The following IGF1R variants were observed in gnomAD, a reference collection of about 807,000 sequenced individuals.
The protein encoded by IGF1R is insulin-like growth factor 1 receptor.
In IGF1R, 44 loss-of-function variants were observed where a neutral mutation model predicts 144.6. That is an observed-to-expected ratio of 0.30 (90% CI 0.24 to 0.39). The LOEUF is 0.39. Among genes scored for constraint, IGF1R ranks in the 10% least tolerant of loss-of-function variants. The probability of loss-of-function intolerance (pLI) is 1.00; values close to 1 mark genes in which losing one functional copy is unlikely to be tolerated. For missense variants in IGF1R, 1,355 were observed against 1,833.7 expected, an observed-to-expected ratio of 0.74 and a Z score of 4.77; for synonymous variants, 795 against 722.8, an observed-to-expected ratio of 1.10 and a Z score of -1.60.
chr15:98,694,253 G>T (rs775879915), intron 1 of IGF1R, among the ~76,000 whole-genome samples: 5 of 152,126 alleles, frequency 3.3e-5, no homozygotes, highest in Non-Finnish European at 5.9e-5. Flanking sequence ...AAATGGGAGG[G>T]TTATTAAAGG....
At chr15:98,748,832 A>T (rs1486957877) in intron 2 of IGF1R, among the ~76,000 whole-genome samples, 2 of 152,202 alleles carry the variant, frequency 1.3e-5, no homozygotes, top group East Asian at 3.8e-4. Context: ...TTCTTGCTCT[A>T]CCCTTAGGAC....
chr15:98,950,133 T>A (rs2016716995), intron 20 of IGF1R, among the ~76,000 whole-genome samples: 1 of 152,184 alleles, frequency 6.6e-6, no homozygotes, highest in Admixed American at 6.5e-5. Context: ...TTGGAAAGGA[T>A]CCTGAGGAAT....
intron 2 of IGF1R, among the ~76,000 whole-genome samples, chr15:98,796,001 T>G (rs1285988116): frequency 6.6e-6 from 1 of 152,246 alleles, no homozygotes; most frequent in East Asian, 1.9e-4. Context: ...GGCGTGTTCC[T>G]CTGGAGTGTG....
intron 2 of IGF1R, among the ~76,000 whole-genome samples, chr15:98,782,995 AT>A (rs1943446590): frequency 6.6e-6 from 1 of 152,232 alleles, no homozygotes; most frequent in African/African-American, 2.4e-5. Flanking sequence ...CAGGCTGAAT[AT>A]GTTCTACATC....
At position 98,717,642 on chromosome 15, in the gene IGF1R, ACT is replaced by A. The variant is rs2054150521; in HGVS notation, c.640+9538_640+9539del. ...GTGGAGTCACCCTAGTCATATGTAA[ACT>A]CTATTTATTTGGTTCCGAAACTGAA... On this transcript the variant is annotated intron_variant, in intron 2 of 20. Coordinates refer to ENST00000650285, the MANE Select transcript of IGF1R (RefSeq NM_000875.5). Among the ~76,000 whole-genome samples, 4 of 152,018 alleles carry A rather than the reference ACT, an allele frequency of 2.6e-5. No homozygotes were observed. In the South Asian group the frequency reaches 8.3e-4, roughly 32 times the overall value.
At chr15:98,852,590 A>G (rs948028789) in intron 2 of IGF1R, among the ~76,000 whole-genome samples, 1 of 152,078 alleles carries the variant, frequency 6.6e-6, no homozygotes, top group East Asian at 1.9e-4. Flanking sequence ...CCCCATAAAC[A>G]AGATGTGTTC....
chr15:98,909,873 C>A (rs1054865864), intron 6 of IGF1R, among the ~76,000 whole-genome samples: 2 of 152,190 alleles, frequency 1.3e-5, no homozygotes, highest in African/African-American at 4.8e-5. Context: ...TCTCATCTAA[C>A]CCTGTGTAGA....
At chr15:98,662,581 T>C (rs1451157524) in intron 1 of IGF1R, among the ~76,000 whole-genome samples, 6 of 152,086 alleles carry the variant, frequency 3.9e-5, no homozygotes, top group Non-Finnish European at 7.4e-5. Flanking sequence ...TTTTTTTTTT[T>C]ACTCGAGCTT....
intron 1 of IGF1R, among the ~76,000 whole-genome samples, chr15:98,672,022 T>C (rs1162910994): frequency 1.3e-5 from 2 of 152,202 alleles, no homozygotes; most frequent in Non-Finnish European, 2.9e-5. Context: ...GGTGTGTATA[T>C]TAATATAATC....
At chr15:98,837,925 T>C (rs1454948545) in intron 2 of IGF1R, among the ~76,000 whole-genome samples, 4 of 152,234 alleles carry the variant, frequency 2.6e-5, no homozygotes, top group Non-Finnish European at 5.9e-5. Flanking sequence ...CTTCTTCACC[T>C]AGCATTGAGA....
chr15:98,700,688 G>A lies in IGF1R; in HGVS notation c.95-6874G>A, dbSNP rs144658979. 1.2e-3 allele frequency among the ~76,000 whole-genome samples: 184 copies of A among 152,090 alleles called. 1 individual carries two copies. Among genetic ancestry groups the A allele is most frequent in the Middle Eastern group, 6.8e-3 (2 of 294 alleles). On this transcript the variant is annotated intron_variant, in intron 1 of 20. Transcript: ENST00000650285. ...GCCTTTGTTGTTCTCCCCGCCACAC[G>A]GGCTGCACCCCTGGGATTCCCCCAG...
intron 2 of IGF1R, among the ~76,000 whole-genome samples, chr15:98,820,191 G>C (rs2056775211): frequency 1.1e-5 from 1 of 89,880 alleles, no homozygotes; most frequent in Admixed American, 1.5e-4. Flanking sequence ...TGGAATTGCT[G>C]ATGCTATTTT....
intron 2 of IGF1R, among the ~76,000 whole-genome samples, chr15:98,888,438 A>AGAGAGAGAGTGTGT (rs1555457179): frequency 7.0e-6 from 1 of 143,354 alleles, no homozygotes; most frequent in Non-Finnish European, 1.5e-5. Flanking sequence ...AGAGAGAGAG[A>AGAGAGAGAGTGTGT]GTGTGTGTGT....
intron 2 of IGF1R, among the ~76,000 whole-genome samples, chr15:98,816,903 A>G (rs531548798): frequency 2.6e-5 from 4 of 152,338 alleles, no homozygotes; most frequent in African/African-American, 7.2e-5. Flanking sequence ...GCCCGGTTGT[A>G]TGGATCTGAG....
chr15:98,930,334 G>C (rs756909731), intron 15 of IGF1R, 29 bp downstream of exon 15: 2 of 1,546,282 alleles, frequency 1.3e-6, no homozygotes, highest in Admixed American at 1.7e-5. Flanking sequence ...AGCACTGCCA[G>C]CGTGCAGGGC....
At chr15:98,817,288 C>G (rs924806367) in intron 2 of IGF1R, among the ~76,000 whole-genome samples, 1 of 145,286 alleles carries the variant, frequency 6.9e-6, no homozygotes, top group Middle Eastern at 3.5e-3. Flanking sequence ...GGCAGCAGAG[C>G]GAGAATCTGT....
At chr15:98,832,828 AC>A (rs1327027871) in intron 2 of IGF1R, among the ~76,000 whole-genome samples, 7 of 152,214 alleles carry the variant, frequency 4.6e-5, no homozygotes, top group African/African-American at 1.4e-4. Flanking sequence ...AATTTCTGGC[AC>A]ATTTACCTGG....
At chr15:98,869,460 G>A (rs1212362126) in intron 2 of IGF1R, among the ~76,000 whole-genome samples, 2 of 143,808 alleles carry the variant, frequency 1.4e-5, no homozygotes, top group Admixed American at 7.1e-5. Flanking sequence ...TTTAGACGGC[G>A]TTTCGCCCTT....
In IGF1R at chr15:98,913,114, G is replaced by A. The variant is rs776619640; in HGVS notation, c.1660G>A (p.Val554Met). The change falls in exon 8 of 21, where the codon GTG becomes ATG. Residue 554 changes from valine (V) to methionine (M), a missense_variant. This residue lies in a region of IGF1R where 880 missense variants were observed against 1,202.7 expected (regional missense o/e 0.73). Transcript: ENST00000650285. ...CTCCAACAGCTGGAACATGGTGGAC[G>A]TGGACCTCCCGCCCAACAAGGACGT... is the stretch of plus-strand genomic sequence containing the variant. ...CGSNSWNMVD[V>M]DLPPNKDVEP... 5 of 1,614,240 alleles carry A rather than the reference G, an allele frequency of 3.1e-6. No homozygotes were observed. Among genetic ancestry groups the A allele is most frequent in the East Asian group, 2.2e-5 (1 of 44,880 alleles).
Sources: allele counts gnomAD v4.1 joint callset (sites outside exome capture counted in the v4.1 genomes callset), GRCh38; gene constraint gnomAD v4.1.1; regional missense constraint gnomAD v4.1.1; transcripts MANE v1.5; gene names NCBI Gene and HGNC (gene_info 2026-07-23, HGNC 2026-07-21).